ATP10B: variants seen among roughly 807,000 people sequenced by gnomAD.
ATP10B encodes phospholipid-transporting ATPase VB.
Under a neutral mutation model 141.2 loss-of-function variants are expected in ATP10B, and 122 were observed. The ratio of observed to expected loss-of-function variants is 0.86; its 90% confidence interval spans 0.75 to 1.00. The LOEUF is 1.00. Ranked by LOEUF, ATP10B falls within the 50% of genes least tolerant of loss-of-function variation. The pLI, the probability that ATP10B is intolerant of heterozygous loss-of-function variation, is 0.00. For synonymous variants in ATP10B, 685 were observed against 692.0 expected (o/e 0.99, Z 0.16); for missense variants, 1,876 against 1,825.3 (o/e 1.03, Z -0.51).
chr5:160,830,846 A>C (rs1160255471), intron 1 of ATP10B, among the ~76,000 whole-genome samples: 2 of 151,770 alleles, frequency 1.3e-5, no homozygotes, highest in Non-Finnish European at 2.9e-5. Flanking sequence ...TCAACCTCGG[A>C]CTCTTATTTT....
In ATP10B at chr5:160,617,935, G is replaced by A. The variant is rs1190281425; in HGVS notation, c.2455C>T (p.Arg819Ter). The change falls in exon 16 of 26, where the codon CGA becomes TGA. Residue 819 changes from arginine (R) to a stop codon, truncating the protein, a stop_gained. Transcript: ENST00000327245. LOFTEE classifies it high-confidence loss of function. Reference sequence around the variant, plus strand: ...TCTAGATGCTTTTGGGTCCGGGCTCGGATTTTTCTCAGCTTCTTTTCCATA... The same window carrying A: ...TCTAGATGCTTTTGGGTCCGGGCTCAGATTTTTCTCAGCTTCTTTTCCATA... Reference protein sequence around the residue: ...INMEKKLRKIRARTQKHLDLY... With the variant: ...INMEKKLRKI The A allele has an allele frequency of 3.1e-6, 5 of 1,614,020 alleles. No individual in the cohort carries two copies. The highest frequency in any genetic ancestry group is 2.2e-5 in the East Asian group (1 of 44,900).
intron 1 of ATP10B, among the ~76,000 whole-genome samples, chr5:160,810,231 T>G (rs75128055): frequency 0.029 from 4,437 of 152,248 alleles, 181 homozygotes; most frequent in East Asian, 0.17. Context: ...TTATGTCATC[T>G]TCTTTCATAA....
chr5:160,863,532 T>TA, the ATP10B span, among the ~76,000 whole-genome samples: 5 of 151,912 alleles, frequency 3.3e-5, no homozygotes, highest in Admixed American at 6.6e-5. Context: ...ATAGACAACC[T>TA]AATCTCTCAC....
chr5:160,846,494 G>T (rs940225564), intron 1 of ATP10B, among the ~76,000 whole-genome samples: 6 of 152,098 alleles, frequency 3.9e-5, no homozygotes, highest in African/African-American at 1.4e-4. Context: ...AAGACCTAGA[G>T]TTCACCCAGC....
chr5:160,905,361 G>A, the ATP10B span, among the ~76,000 whole-genome samples: 5 of 152,312 alleles, frequency 3.3e-5, no homozygotes, highest in African/African-American at 1.2e-4. Context: ...TCCAGCCTCT[G>A]CCATTTAATA....
chr5:160,655,550 G>A (rs1196299069), intron 7 of ATP10B, among the ~76,000 whole-genome samples: 1 of 152,126 alleles, frequency 6.6e-6, no homozygotes, highest in Non-Finnish European at 1.5e-5. Context: ...TATTAGAAGT[G>A]TGTATTTTGA....
intron 2 of ATP10B, among the ~76,000 whole-genome samples, chr5:160,779,230 A>G (rs1359197754): frequency 4.6e-5 from 7 of 152,214 alleles, no homozygotes; most frequent in Non-Finnish European, 1.0e-4. Context: ...ATTGTATATA[A>G]AAGGAAAAGA....
intron 1 of ATP10B, among the ~76,000 whole-genome samples, chr5:160,847,332 C>T (rs765881887): frequency 6.6e-6 from 1 of 152,136 alleles, no homozygotes; most frequent in Non-Finnish European, 1.5e-5. Flanking sequence ...GCAAGTTTCG[C>T]CATTTCTCTG....
At chr5:160,592,278 A>T (rs1157809219) in intron 22 of ATP10B, among the ~76,000 whole-genome samples, 2 of 152,268 alleles carry the variant, frequency 1.3e-5, no homozygotes, top group East Asian at 3.9e-4. Flanking sequence ...TATAAATCCC[A>T]AGGGTTCTCA....
the ATP10B span, among the ~76,000 whole-genome samples, chr5:160,858,084 A>G: frequency 2.0e-5 from 3 of 151,644 alleles, no homozygotes; most frequent in Non-Finnish European, 2.9e-5. Flanking sequence ...AGAGTGGGGT[A>G]TTGTGGAATT....
At chr5:160,772,762 G>A (rs1448131324) in intron 2 of ATP10B, among the ~76,000 whole-genome samples, 2 of 152,122 alleles carry the variant, frequency 1.3e-5, no homozygotes, top group Non-Finnish European at 2.9e-5. Flanking sequence ...ATGGCCTGGG[G>A]GTTGGGGAAC....
At chr5:160,636,390 T>A in intron 10 of ATP10B, 81 bp from the exon 11 acceptor site, 1 of 1,450,822 alleles carries the variant, frequency 6.9e-7, no homozygotes, top group Non-Finnish European at 9.4e-7. Flanking sequence ...CCTTGACACA[T>A]TCCTAGAAAT....
chr5:160,696,317 C>T (rs546727053), intron 3 of ATP10B, among the ~76,000 whole-genome samples: 12 of 152,082 alleles, frequency 7.9e-5, no homozygotes, highest in African/African-American at 2.9e-4. Context: ...CCATTTTGGC[C>T]AGGCTGGTCT....
intron 10 of ATP10B, among the ~76,000 whole-genome samples, chr5:160,639,350 G>A (rs1449925602): frequency 1.3e-5 from 2 of 152,142 alleles, no homozygotes; most frequent in African/African-American, 4.8e-5. Flanking sequence ...TATCTTATAT[G>A]GCCAAAGGGC....
chr5:160,617,030 G>T (rs932482371), intron 16 of ATP10B, among the ~76,000 whole-genome samples: 2 of 152,198 alleles, frequency 1.3e-5, no homozygotes, highest in African/African-American at 4.8e-5. Flanking sequence ...GTGAGATTGG[G>T]ACTAGTACCC....
intron 7 of ATP10B, among the ~76,000 whole-genome samples, chr5:160,665,499 A>G (rs1581309195): frequency 6.6e-6 from 1 of 152,248 alleles, no homozygotes; most frequent in Non-Finnish European, 1.5e-5. Context: ...AAGAAAGTTT[A>G]ACAGGCCTAT....
rs772090765 is a variant in ATP10B, at chr5:160,640,572, G to A, written c.889C>T (p.Leu297=). The change falls in exon 10 of 26, where the codon CTG becomes TTG. Residue 297 remains leucine, a synonymous_variant. Coordinates refer to ENST00000327245, the MANE Select transcript of ATP10B (RefSeq NM_025153.3). ...TTGTACCGGGGGCCACTGTTGTTCA[G>A]CATGGCTTTCGTCTCATGGCCTTTG... The part of the protein sequence containing the change: ...IYAGHETKAM[L]NNSGPRYKRS... 6.2e-7 allele frequency: 1 copy of A among 1,614,052 alleles called. No individual in the cohort carries two copies. The highest frequency in any genetic ancestry group is 8.5e-7 in the Non-Finnish European group (1 of 1,179,952).
At chr5:160,568,455 T>G (rs1754683533) in intron 25 of ATP10B, among the ~76,000 whole-genome samples, 1 of 152,214 alleles carries the variant, frequency 6.6e-6, no homozygotes, top group Admixed American at 6.5e-5. Context: ...TGTATAATTG[T>G]CTATTTGCTA....
At chr5:160,893,678 C>T in the ATP10B span, among the ~76,000 whole-genome samples, 2 of 152,330 alleles carry the variant, frequency 1.3e-5, no homozygotes, top group African/African-American at 4.8e-5. Flanking sequence ...TCTCCCAGCA[C>T]AGTGCTCCAG....
Sources: gnomAD v4.1 joint callset for allele counts (sites outside exome capture counted in the v4.1 genomes callset) on GRCh38, gnomAD v4.1.1 for gene constraint, MANE v1.5 for transcripts, NCBI Gene and HGNC (gene_info 2026-07-23, HGNC 2026-07-21) for gene names.